Variants in CSMD1 observed in about 807,000 individuals in gnomAD.
The protein encoded by CSMD1 is CUB and Sushi multiple domains 1.
A neutral mutation model predicts 417.5 loss-of-function variants in CSMD1; 213 were observed. The observed-to-expected ratio is 0.51, with a 90% CI of 0.46 to 0.57. The LOEUF is 0.57. CSMD1 is among the 20% of genes least tolerant of loss of function. CSMD1 has a pLI of 0.00. For missense variants in CSMD1, 6,923 were observed against 4,529.7 expected, an observed-to-expected ratio of 1.53 and a Z score of -15.17; for synonymous variants, 2,862 against 1,736.8, an observed-to-expected ratio of 1.65 and a Z score of -16.11.
chr8:3,240,989 T>G (rs61413457), intron 26 of CSMD1, among the ~76,000 whole-genome samples: 150,160 of 150,332 alleles, frequency 1, 74,994 homozygotes, highest in African/African-American at 1. Context: ...GGGTGATTAG[T>G]TTTTAATGAG....
At chr8:3,439,402 G>T (rs563630261) in intron 12 of CSMD1, among the ~76,000 whole-genome samples, 152 of 142,960 alleles carry the variant, frequency 1.1e-3, no homozygotes, top group Non-Finnish European at 1.4e-3. Context: ...ATAGCTAAAG[G>T]TGTTACACAG....
chr8:4,153,605 C>T (rs1796680808), intron 3 of CSMD1, among the ~76,000 whole-genome samples: 1 of 152,186 alleles, frequency 6.6e-6, no homozygotes, highest in Non-Finnish European at 1.5e-5. Context: ...CCTGAGATGT[C>T]CCTGCTCTGT....
intron 3 of CSMD1, among the ~76,000 whole-genome samples, chr8:4,367,193 C>G (rs1802124593): frequency 6.6e-6 from 1 of 152,110 alleles, no homozygotes; most frequent in Non-Finnish European, 1.5e-5. Context: ...GCATTGAATC[C>G]TTTAATCCAT....
chr8:4,310,542 A>C (rs1798502749), intron 3 of CSMD1, among the ~76,000 whole-genome samples: 1 of 151,856 alleles, frequency 6.6e-6, no homozygotes, highest in South Asian at 2.1e-4. Flanking sequence ...TGGACACAAT[A>C]AAATCTCAAT....
rs58981515 is a variant in CSMD1 at position 2,936,370 on chromosome 8, A to AATATATAT, written c.*2207_*2214dup. ...GAATGACTCAAACTTAGATATGTAC[A>AATATATAT]ATATATATATATATATATGTATGTA... On this transcript the variant is annotated 3_prime_UTR_variant, in exon 70 of 70. Transcript: ENST00000635120. The AATATATAT allele has an allele frequency of 1.1e-3, 161 of 146,296 alleles. No homozygotes were observed. Among genetic ancestry groups the AATATATAT allele is most frequent in the African/African-American group, 3.5e-3 (142 of 40,010 alleles). The allele number at this position is 146,296 out of a possible 1,614,324, so 9.1% of individuals were successfully genotyped here.
chr8:4,471,711 A>T (rs188755344), intron 2 of CSMD1, among the ~76,000 whole-genome samples: 3 of 150,738 alleles, frequency 2.0e-5, no homozygotes, highest in Non-Finnish European at 3.0e-5. Flanking sequence ...CCCATCTTCA[A>T]AGAAAAATGC....
At chr8:4,448,783 T>C (rs1045810988) in intron 2 of CSMD1, among the ~76,000 whole-genome samples, 1 of 152,210 alleles carries the variant, frequency 6.6e-6, no homozygotes. Context: ...CTTTAAATGA[T>C]GTCATCTGCA....
intron 1 of CSMD1, among the ~76,000 whole-genome samples, chr8:4,920,029 T>A (rs557064344): frequency 3.3e-5 from 5 of 152,280 alleles, no homozygotes; most frequent in Non-Finnish European, 5.9e-5. Flanking sequence ...CCCAGGTATT[T>A]TGCTGCAGTA....
At chr8:3,502,015 G>T (rs1050145819) in intron 10 of CSMD1, among the ~76,000 whole-genome samples, 24 of 152,256 alleles carry the variant, frequency 1.6e-4, no homozygotes, top group Admixed American at 1.2e-3. Flanking sequence ...TACTTTGGAA[G>T]CTTCTTACAT....
intron 6 of CSMD1, among the ~76,000 whole-genome samples, chr8:3,721,742 GA>G (rs1585132233): frequency 1.3e-5 from 2 of 152,220 alleles, no homozygotes; most frequent in South Asian, 2.1e-4. Flanking sequence ...TAAAGGAACA[GA>G]ATTCTAAATT....
chr8:3,497,760 T>C lies in CSMD1; in HGVS notation c.1345-4034A>G, dbSNP rs182897060. Among the ~76,000 whole-genome samples, 137 of 152,318 alleles carry C rather than the reference T, an allele frequency of 9.0e-4. 2 individuals are homozygous for C. Among genetic ancestry groups the C allele is most frequent in the African/African-American group, 3.0e-3 (123 of 41,568 alleles). On this transcript the variant is annotated intron_variant, in intron 10 of 69. Coordinates refer to ENST00000635120, the MANE Select transcript of CSMD1 (RefSeq NM_033225.6). ...TTTAAATTATATTGTCACTTGGTTA[T>C]TTCTGTTCTGGTTGTTTTGCACATC...
At chr8:3,358,642 A>G (rs1808956037) in intron 21 of CSMD1, among the ~76,000 whole-genome samples, 1 of 152,220 alleles carries the variant, frequency 6.6e-6, no homozygotes, top group Non-Finnish European at 1.5e-5. Context: ...ACACTGAAAA[A>G]GTGAATTCAG....
chr8:4,118,064 A>C (rs926728182), intron 3 of CSMD1, among the ~76,000 whole-genome samples: 6 of 152,104 alleles, frequency 3.9e-5, no homozygotes, highest in Non-Finnish European at 8.8e-5. Flanking sequence ...GAAGGGTGTA[A>C]CATCGGCCAT....
chr8:3,969,293 G>C (rs751922812), intron 5 of CSMD1, among the ~76,000 whole-genome samples: 12 of 152,140 alleles, frequency 7.9e-5, no homozygotes, highest in African/African-American at 2.4e-4. Context: ...CAAAAGATGA[G>C]GCTGGGTGGA....
At chr8:3,384,637 T>G (rs1194175755) in intron 18 of CSMD1, among the ~76,000 whole-genome samples, 1 of 141,842 alleles carries the variant, frequency 7.1e-6, no homozygotes, top group East Asian at 2.0e-4. Flanking sequence ...GCTATTTATA[T>G]ATTGCTATAT....
chr8:3,783,048 C>G (rs887679263), intron 5 of CSMD1, among the ~76,000 whole-genome samples: 1 of 152,192 alleles, frequency 6.6e-6, no homozygotes, highest in African/African-American at 2.4e-5. Context: ...TGTACTGACA[C>G]TTCCTACTGT....
chr8:3,523,216 A>C (rs1474356758), intron 10 of CSMD1, among the ~76,000 whole-genome samples: 1 of 152,202 alleles, frequency 6.6e-6, no homozygotes, highest in African/African-American at 2.4e-5. Flanking sequence ...ATTATCCCGC[A>C]TGCTATGGAT....
intron 1 of CSMD1, among the ~76,000 whole-genome samples, chr8:4,778,386 A>C (rs2045397): frequency 0.34 from 52,008 of 151,944 alleles, 9,657 homozygotes; most frequent in Admixed American, 0.47. Flanking sequence ...TTTTCTTCTC[A>C]TTCCTTTCAA....
At chr8:3,547,569 G>C (rs538662356) in intron 10 of CSMD1, among the ~76,000 whole-genome samples, 1 of 152,072 alleles carries the variant, frequency 6.6e-6, no homozygotes, top group Non-Finnish European at 1.5e-5. Flanking sequence ...TGAGTTTTAG[G>C]CTTTATTTTT....
Sources: allele counts gnomAD v4.1 joint callset (sites outside exome capture counted in the v4.1 genomes callset), GRCh38; gene constraint gnomAD v4.1.1; transcripts MANE v1.5; gene names NCBI Gene and HGNC (gene_info 2026-07-23, HGNC 2026-07-21).